BCKDHB: variants seen among roughly 807,000 people sequenced by gnomAD.
BCKDHB encodes branched chain keto acid dehydrogenase E1 subunit beta, also known as 2-oxoisovalerate dehydrogenase subunit beta, mitochondrial.
BCKDHB carries 41 observed loss-of-function variants against 48.5 expected under a neutral mutation model. The ratio of observed to expected loss-of-function variants is 0.85; its 90% CI spans 0.66 to 1.10. The LOEUF is 1.10. Ranked by LOEUF, BCKDHB falls within the 50% of genes least tolerant of loss-of-function variation. BCKDHB has a pLI of 0.00. For synonymous variants in BCKDHB, 201 were observed against 174.8 expected (o/e 1.15, Z -1.18); for missense variants, 496 against 494.2 (o/e 1.00, Z -0.03).
the BCKDHB span, among the ~76,000 whole-genome samples, chr6:80,431,159 A>G: frequency 2.6e-5 from 4 of 152,116 alleles, no homozygotes; most frequent in Non-Finnish European, 5.9e-5. Context: ...CTGAGTTCTA[A>G]TTTGATTGCA....
intron 3 of BCKDHB, among the ~76,000 whole-genome samples, chr6:80,135,015 G>A (rs2127734581): frequency 6.6e-6 from 1 of 152,250 alleles, no homozygotes; most frequent in Non-Finnish European, 1.5e-5. Context: ...GCCTCCCAAA[G>A]TGCTGGGATT....
chr6:80,411,824 G>A, the BCKDHB span, among the ~76,000 whole-genome samples: 10 of 152,330 alleles, frequency 6.6e-5, no homozygotes, highest in South Asian at 2.1e-4. Flanking sequence ...ATTGAAAAGC[G>A]CAGTGTTTAG....
chr6:80,287,260 T>G (rs910523222), intron 9 of BCKDHB, among the ~76,000 whole-genome samples: 3 of 152,190 alleles, frequency 2.0e-5, no homozygotes, highest in East Asian at 3.8e-4. Context: ...GTGAGGTTGT[T>G]TGATGTAAAC....
chr6:80,357,373 A>T, the BCKDHB span, among the ~76,000 whole-genome samples: 1 of 152,172 alleles, frequency 6.6e-6, no homozygotes. Context: ...AGAGGGGAGT[A>T]TATCCTAGTC....
At chr6:80,321,821 CCAATTA>C (rs1442730801) in intron 9 of BCKDHB, among the ~76,000 whole-genome samples, 1 of 152,140 alleles carries the variant, frequency 6.6e-6, no homozygotes, top group Non-Finnish European at 1.5e-5. Flanking sequence ...TTCTCTACTT[CCAATTA>C]CATTTTGTAA....
chr6:80,216,686 A>G (rs990358733), intron 8 of BCKDHB, among the ~76,000 whole-genome samples: 2 of 152,178 alleles, frequency 1.3e-5, no homozygotes, highest in African/African-American at 4.8e-5. Flanking sequence ...TAGGTACATT[A>G]TGTTCTTAGT....
chr6:80,400,098 TTAAAAA>T, the BCKDHB span, among the ~76,000 whole-genome samples: 2 of 151,910 alleles, frequency 1.3e-5, no homozygotes, highest in Non-Finnish European at 2.9e-5. Flanking sequence ...GATTAAAGAC[TTAAAAA>T]TAAAACCTAA....
intron 8 of BCKDHB, among the ~76,000 whole-genome samples, chr6:80,235,566 A>G (rs1245391048): frequency 6.6e-6 from 1 of 152,198 alleles, no homozygotes; most frequent in Non-Finnish European, 1.5e-5. Flanking sequence ...CTAAAAATCT[A>G]GGTTAATCTG....
the BCKDHB span, among the ~76,000 whole-genome samples, chr6:80,401,732 A>G: frequency 2.0e-5 from 3 of 151,644 alleles, no homozygotes; most frequent in Non-Finnish European, 4.4e-5. Flanking sequence ...TCATCTCCCA[A>G]TTGCCCCCTT....
intron 3 of BCKDHB, among the ~76,000 whole-genome samples, chr6:80,144,159 C>G (rs1033623486): frequency 6.6e-6 from 1 of 152,028 alleles, no homozygotes; most frequent in African/African-American, 2.4e-5. Flanking sequence ...TATTCAACGG[C>G]AGAAATACAG....
intron 9 of BCKDHB, among the ~76,000 whole-genome samples, chr6:80,289,862 C>T (rs1283397173): frequency 2.0e-5 from 3 of 152,164 alleles, no homozygotes; most frequent in Non-Finnish European, 4.4e-5. Flanking sequence ...GGGGAGGGCT[C>T]TTCATCCCTT....
chr6:80,363,112 C>T, the BCKDHB span, among the ~76,000 whole-genome samples: 3 of 152,140 alleles, frequency 2.0e-5, no homozygotes, highest in African/African-American at 7.2e-5. Context: ...TAATTATTCT[C>T]TACCTAAAGT....
At position 80,214,182 on chromosome 6, in the gene BCKDHB, G is replaced by A. The variant is rs114882076; in HGVS notation, c.951+10970G>A. 3.4e-3 allele frequency among the ~76,000 whole-genome samples: 514 copies of A among 152,170 alleles called. 2 individuals carry two copies. The highest frequency in any genetic ancestry group is 0.011 in the African/African-American group (458 of 41,536). On this transcript the variant is annotated intron_variant, in intron 8 of 9. Coordinates refer to ENST00000320393, the MANE Select transcript of BCKDHB (RefSeq NM_183050.4). ...AAGGGAAATTGTAGAGCTGGAATGG[G>A]GAAGGAGTCAAACCTTAGTAATTGG...
At chr6:80,315,906 A>G (rs182988511) in intron 9 of BCKDHB, among the ~76,000 whole-genome samples, 69 of 152,362 alleles carry the variant, frequency 4.5e-4, no homozygotes, top group African/African-American at 1.6e-3. Context: ...CAGAATAAGT[A>G]ACCAATTCCT....
chr6:80,334,890 A>G (rs570395302), intron 9 of BCKDHB, among the ~76,000 whole-genome samples: 1 of 152,066 alleles, frequency 6.6e-6, no homozygotes, highest in Admixed American at 6.5e-5. Context: ...CATTTTTTAT[A>G]TGTATATATA....
the BCKDHB span, among the ~76,000 whole-genome samples, chr6:80,352,332 C>T: frequency 2.0e-5 from 3 of 152,054 alleles, no homozygotes; most frequent in African/African-American, 7.2e-5. Context: ...AGGAGGTCAT[C>T]TTTAACTGAA....
intron 1 of BCKDHB, among the ~76,000 whole-genome samples, chr6:80,123,460 A>G (rs1770160180): frequency 1.3e-5 from 2 of 152,200 alleles, no homozygotes; most frequent in South Asian, 2.1e-4. Flanking sequence ...TGCAAGAAGA[A>G]GGAATGGTAC....
chr6:80,375,000 G>A, the BCKDHB span, among the ~76,000 whole-genome samples: 1 of 152,120 alleles, frequency 6.6e-6, no homozygotes, highest in South Asian at 2.1e-4. Context: ...TAGCTTGTAG[G>A]GTTTCTGCTG....
chr6:80,343,807 ATATAGGTAGG>A lies in BCKDHB; in HGVS notation c.*7_*16del. The A allele has an allele frequency of 6.2e-7, 1 of 1,613,956 alleles. No individual in the cohort carries two copies. Among genetic ancestry groups the A allele is most frequent in the Non-Finnish European group, 8.5e-7 (1 of 1,179,920 alleles). The stretch of plus-strand genomic sequence containing the variant: ...TTCGAAAAATGATCAACTATTGACC[ATATAGGTAGG>A]TATGCATCTTGAGAAAGCTACTATG... On this transcript the variant is annotated 3_prime_UTR_variant, in exon 10 of 10. Transcript: ENST00000320393.
Sources: gnomAD v4.1 joint callset for allele counts (sites outside exome capture counted in the v4.1 genomes callset) on GRCh38, gnomAD v4.1.1 for gene constraint, MANE v1.5 for transcripts, NCBI Gene and HGNC (gene_info 2026-07-23, HGNC 2026-07-21) for gene names.